Variants in CD5 observed in about 807,000 individuals in gnomAD.
CD5 encodes CD5 molecule, also known as T-cell surface glycoprotein CD5.
CD5 carries 36 observed loss-of-function variants against 60.3 expected under a neutral mutation model. The observed-to-expected ratio is 0.60, with a 90% CI of 0.46 to 0.79. The LOEUF (loss-of-function observed/expected upper bound fraction) is 0.79. Among genes scored for constraint, CD5 ranks in the 30% least tolerant of loss-of-function variants. The pLI is 0.00. For missense variants in CD5, 540 were observed against 630.6 expected (o/e 0.86, Z 1.54); for synonymous variants, 230 against 257.6 (o/e 0.89, Z 1.03).
intron 1 of CD5, among the ~76,000 whole-genome samples, chr11:61,106,268 G>A (rs891458830): frequency 2.0e-4 from 30 of 152,260 alleles, no homozygotes; most frequent in Admixed American, 2.6e-4. Context: ...AGGCAGGGAG[G>A]GCCTCTCTAA....
In CD5 at chr11:61,115,069, C is replaced by G; in HGVS notation, c.69C>G (p.Leu23=). Residue 23 remains leucine (L), a synonymous_variant, in exon 2 of 11, where the codon CTC becomes CTG. Coordinates refer to ENST00000347785, the MANE Select transcript of CD5 (RefSeq NM_014207.4). ...TTCTTTCTGCAGTCGCTTCCTGCCT[C>G]GGACGGCTCAGCTGGTATGACCCAG... The part of the protein sequence containing the change: ...YLLGMLVASC[L]GRLSWYDPDF... The G allele has an allele frequency of 1.9e-6, 3 of 1,558,876 alleles. No homozygotes were observed. Among genetic ancestry groups the G allele is most frequent in the Non-Finnish European group, 2.6e-6 (3 of 1,150,634 alleles).
the CD5 span, among the ~76,000 whole-genome samples, chr11:61,097,367 A>T: frequency 1.3e-5 from 2 of 152,236 alleles, no homozygotes; most frequent in Non-Finnish European, 2.9e-5. Flanking sequence ...GAGAAGGAAA[A>T]GAATTCACTC....
intron 1 of CD5, among the ~76,000 whole-genome samples, chr11:61,105,697 T>C (rs1292039063): frequency 1.3e-5 from 2 of 152,186 alleles, no homozygotes; most frequent in African/African-American, 4.8e-5. Context: ...TCATTTTTCA[T>C]CTACAAATAT....
chr11:61,101,952 A>T (rs1314135061), upstream of CD5, among the ~76,000 whole-genome samples: 11 of 145,298 alleles, frequency 7.6e-5, no homozygotes, highest in Non-Finnish European at 1.4e-4. Flanking sequence ...ACACACACAC[A>T]CTGGCACAAG....
chr11:61,114,978 G>T, intron 1 of CD5, 78 bp from the exon 2 acceptor site: 1 of 1,405,528 alleles, frequency 7.1e-7, no homozygotes. Flanking sequence ...CCATTGCTCG[G>T]GCTGTGGGTG....
At chr11:61,108,349 AGC>A (rs1379808946) in intron 1 of CD5, among the ~76,000 whole-genome samples, 2 of 152,208 alleles carry the variant, frequency 1.3e-5, no homozygotes, top group Non-Finnish European at 2.9e-5. Context: ...GCCCTGGGTG[AGC>A]CAGATTAGAG....
At chr11:61,105,373 G>T (rs979110902) in intron 1 of CD5, among the ~76,000 whole-genome samples, 2 of 152,220 alleles carry the variant, frequency 1.3e-5, no homozygotes, top group Non-Finnish European at 2.9e-5. Context: ...TTACCAACTG[G>T]GCGACCTTGG....
chr11:61,096,144 G>C, the CD5 span, among the ~76,000 whole-genome samples: 8 of 152,356 alleles, frequency 5.3e-5, no homozygotes, highest in African/African-American at 1.4e-4. Context: ...AGAGGGAAAG[G>C]GGGGTTCTGG....
At chr11:61,109,341 C>T (rs991633018) in intron 1 of CD5, among the ~76,000 whole-genome samples, 2 of 152,194 alleles carry the variant, frequency 1.3e-5, no homozygotes, top group African/African-American at 4.8e-5. Context: ...AGCCAGGTCT[C>T]TCCACACACA....
intron 1 of CD5, among the ~76,000 whole-genome samples, chr11:61,114,835 T>G (rs950554818): frequency 7.2e-5 from 11 of 151,946 alleles, no homozygotes; most frequent in African/African-American, 2.4e-4. Context: ...AAAAGTAACG[T>G]TTTTTAAGAA....
upstream of CD5, among the ~76,000 whole-genome samples, chr11:61,101,864 AC>A (rs1425514188): frequency 6.6e-6 from 1 of 151,998 alleles, no homozygotes. Context: ...GAGATGACAC[AC>A]ACAACACAGA....
intron 5 of CD5, among the ~76,000 whole-genome samples, chr11:61,120,936 T>A (rs547501576): frequency 6.6e-6 from 1 of 152,366 alleles, no homozygotes; most frequent in Non-Finnish European, 1.5e-5. Flanking sequence ...AAGGTGGATG[T>A]TGCTATGGGA....
upstream of CD5, among the ~76,000 whole-genome samples, chr11:61,101,419 T>A (rs1298460974): frequency 2.1e-4 from 17 of 81,410 alleles, no homozygotes; most frequent in South Asian, 4.6e-4. Flanking sequence ...GAGATCACAT[T>A]CACACACATC....
chr11:61,124,014 G>T (rs917919349), intron 8 of CD5, 77 bp downstream of exon 8: 3 of 1,150,038 alleles, frequency 2.6e-6, no homozygotes, highest in South Asian at 1.3e-5. Flanking sequence ...GCTCTCTGCT[G>T]ACCACAGACG....
chr11:61,094,127 T>C, the CD5 span, among the ~76,000 whole-genome samples: 61,266 of 151,378 alleles, frequency 0.4, 13,772 homozygotes, highest in East Asian at 0.92. Context: ...TAGGCCTGCC[T>C]TGTGGAGCAT....
At chr11:61,125,250 GAC>G in intron 9 of CD5, 99 bp downstream of exon 9, 1 of 1,356,984 alleles carries the variant, frequency 7.4e-7, no homozygotes, top group Non-Finnish European at 1.0e-6. Flanking sequence ...ATGGCCCAAA[GAC>G]AGAATGGAGA....
chr11:61,102,715 T>A, intron 1 of CD5, 100 bp downstream of exon 1: 1 of 1,054,410 alleles, frequency 9.5e-7, no homozygotes. Flanking sequence ...GATCCACATG[T>A]CAGCCCTCTG....
Position 61,114,753 on chromosome 11 carries a change from A to T in CD5, c.56-303A>T, listed in dbSNP as rs12576612. Among the ~76,000 whole-genome samples, 357 of 152,356 alleles carry T rather than the reference A, an allele frequency of 2.3e-3. 6 individuals are homozygous for T. The East Asian group carries it at 0.051, about 22-fold the overall frequency. ...GTATACCTTGATTGTGATGGTGGTC[A>T]CACACATCTATATATGTGACATTCA... is the stretch of plus-strand genomic sequence containing the variant. On this transcript the variant is annotated intron_variant, in intron 1 of 10. Transcript: ENST00000347785.
intron 1 of CD5, among the ~76,000 whole-genome samples, chr11:61,114,345 T>C (rs1278356015): frequency 1.3e-5 from 2 of 152,138 alleles, no homozygotes; most frequent in Non-Finnish European, 2.9e-5. Context: ...CACATGTGAA[T>C]CCCAGCACTT....
Sources: allele counts gnomAD v4.1 joint callset (sites outside exome capture counted in the v4.1 genomes callset), GRCh38; gene constraint gnomAD v4.1.1; transcripts MANE v1.5; gene names NCBI Gene and HGNC (gene_info 2026-07-23, HGNC 2026-07-21).